The following CNOT6L variants were observed in gnomAD, a reference collection of about 807,000 sequenced individuals.
CNOT6L encodes the protein CCR4-NOT transcription complex subunit 6 like.
A neutral mutation model predicts 64.0 loss-of-function variants in CNOT6L; 7 were observed. That is an observed-to-expected ratio of 0.11 (90% CI 0.06 to 0.21). The LOEUF is 0.21. CNOT6L is among the 10% of genes least tolerant of loss of function. The pLI is 1.00. For synonymous variants in CNOT6L, 193 were observed against 243.4 expected, an observed-to-expected ratio of 0.79 and a Z score of 1.93; for missense variants, 245 against 669.0, an observed-to-expected ratio of 0.37 and a Z score of 6.99.
chr4:77,796,116 A>G (rs1730816137), intron 1 of CNOT6L, among the ~76,000 whole-genome samples: 1 of 152,190 alleles, frequency 6.6e-6, no homozygotes, highest in Non-Finnish European at 1.5e-5. Flanking sequence ...GGTAGTAAGC[A>G]TAATATCTAA....
chr4:77,809,003 G>A (rs1732593118), intron 1 of CNOT6L, among the ~76,000 whole-genome samples: 1 of 152,072 alleles, frequency 6.6e-6, no homozygotes, highest in African/African-American at 2.4e-5. Flanking sequence ...TTGTTTTTTA[G>A]TTTGGTTTTT....
chr4:77,737,769 C>A (rs1027879191), intron 8 of CNOT6L, among the ~76,000 whole-genome samples: 1 of 151,970 alleles, frequency 6.6e-6, no homozygotes, highest in Non-Finnish European at 1.5e-5. Context: ...TATTTTAACC[C>A]CATAAGAAAC....
At chr4:77,755,231 T>G (rs1162842497) in intron 5 of CNOT6L, among the ~76,000 whole-genome samples, 4 of 7,522 alleles carry the variant, frequency 5.3e-4, no homozygotes, top group Middle Eastern at 0.05. Context: ...GAGTTTTTTT[T>G]TTTTTTTTTT....
intron 1 of CNOT6L, among the ~76,000 whole-genome samples, chr4:77,810,852 T>G (rs1732856199): frequency 6.6e-6 from 1 of 152,132 alleles, no homozygotes; most frequent in African/African-American, 2.4e-5. Flanking sequence ...TTCTAAGAGA[T>G]CGACTTTTTT....
chr4:77,747,609 CG>C (rs1724349148), intron 6 of CNOT6L, among the ~76,000 whole-genome samples: 1 of 151,672 alleles, frequency 6.6e-6, no homozygotes, highest in Non-Finnish European at 1.5e-5. Flanking sequence ...TTTCGAAAAA[CG>C]GTAATTCATA....
chr4:77,753,809 A>G (rs1725136284), intron 5 of CNOT6L, among the ~76,000 whole-genome samples: 1 of 151,986 alleles, frequency 6.6e-6, no homozygotes, highest in South Asian at 2.1e-4. Context: ...ATACAAAAAA[A>G]CCATCAATAT....
chr4:77,738,889 G>A (rs926220188), intron 8 of CNOT6L, among the ~76,000 whole-genome samples: 1 of 151,662 alleles, frequency 6.6e-6, no homozygotes, highest in African/African-American at 2.4e-5. Context: ...AAAAGACAAA[G>A]CAAAAGCTGA....
At chr4:77,752,859 T>C (rs1006013757) in intron 5 of CNOT6L, among the ~76,000 whole-genome samples, 2 of 151,740 alleles carry the variant, frequency 1.3e-5, no homozygotes, top group Admixed American at 6.6e-5. Flanking sequence ...AAGAAATTAA[T>C]AATATTGAAA....
intron 5 of CNOT6L, among the ~76,000 whole-genome samples, chr4:77,754,023 A>G (rs1011493552): frequency 2.8e-4 from 42 of 152,116 alleles, no homozygotes; most frequent in Non-Finnish European, 4.9e-4. Context: ...TTATGAAATT[A>G]GACAAGGATG....
At chr4:77,773,645 C>T (rs1051724092) in intron 3 of CNOT6L, among the ~76,000 whole-genome samples, 5 of 151,680 alleles carry the variant, frequency 3.3e-5, no homozygotes, top group Non-Finnish European at 7.4e-5. Context: ...ACTCTAATCA[C>T]ATCAAAATAC....
intron 1 of CNOT6L, among the ~76,000 whole-genome samples, chr4:77,816,509 T>C (rs1733593558): frequency 6.6e-6 from 1 of 152,180 alleles, no homozygotes; most frequent in South Asian, 2.1e-4. Flanking sequence ...TGCATTCTAA[T>C]AGTTGCCCCT....
intron 8 of CNOT6L, among the ~76,000 whole-genome samples, chr4:77,734,892 T>C (rs1722786349): frequency 6.6e-6 from 1 of 152,104 alleles, no homozygotes; most frequent in Non-Finnish European, 1.5e-5. Context: ...ATTAAATTTC[T>C]CAATAGGACA....
intron 8 of CNOT6L, 134 bp downstream of exon 8, chr4:77,742,007 C>T: frequency 1.4e-6 from 1 of 723,766 alleles, no homozygotes; most frequent in Non-Finnish European, 2.2e-6. Flanking sequence ...GAAACATTAA[C>T]AACAGTTTTA....
chr4:77,820,029 C>T (rs1016473615), upstream of CNOT6L, among the ~76,000 whole-genome samples: 1 of 152,070 alleles, frequency 6.6e-6, no homozygotes, highest in African/African-American at 2.4e-5. Flanking sequence ...TGGCCTTGGC[C>T]TTGGCCTCCT....
chr4:77,726,380 A>AC lies in CNOT6L; in HGVS notation c.1253-12_1253-11insG. 1 of 1,600,402 alleles carries AC rather than the reference A, an allele frequency of 6.2e-7. No homozygotes were observed. The highest frequency in any genetic ancestry group is 8.5e-7 in the Non-Finnish European group (1 of 1,169,622). On this transcript the variant is annotated splice_polypyrimidine_tract_variant and intron_variant, in intron 10 of 11. Coordinates refer to ENST00000504123, the MANE Select transcript of CNOT6L (RefSeq NM_144571.3). ...AGTATTCCACAACACCTGGTAGAAT[A>AC]AAGAAGAGACACTTCCATTTAGCAT... is the stretch of plus-strand genomic sequence containing the variant.
upstream of CNOT6L, chr4:77,819,500 G>T: frequency 8.3e-7 from 1 of 1,205,144 alleles, no homozygotes; most frequent in Non-Finnish European, 1.1e-6. Flanking sequence ...GGAAGCCGCG[G>T]CGGCACACAG....
At chr4:77,735,306 C>T (rs1396750654) in intron 8 of CNOT6L, among the ~76,000 whole-genome samples, 1 of 152,188 alleles carries the variant, frequency 6.6e-6, no homozygotes, top group Non-Finnish European at 1.5e-5. Context: ...ACCAAACTAT[C>T]TCCGAGTCTT....
intron 6 of CNOT6L, among the ~76,000 whole-genome samples, chr4:77,747,686 C>T (rs1169908951): frequency 3.3e-5 from 5 of 151,996 alleles, no homozygotes; most frequent in East Asian, 3.9e-4. Context: ...AAATGTCAAA[C>T]CATTATTGGT....
chr4:77,742,743 G>A (rs900524382), intron 7 of CNOT6L, among the ~76,000 whole-genome samples: 12 of 152,116 alleles, frequency 7.9e-5, no homozygotes, highest in East Asian at 1.9e-4. Flanking sequence ...AGTGAGAAAC[G>A]TAAAATCTAT....
Sources: allele counts gnomAD v4.1 joint callset (sites outside exome capture counted in the v4.1 genomes callset), GRCh38; gene constraint gnomAD v4.1.1; transcripts MANE v1.5; gene names NCBI Gene and HGNC (gene_info 2026-07-23, HGNC 2026-07-21).